The following ABCA1 variants were observed in gnomAD, a reference collection of about 807,000 sequenced individuals.
ABCA1 encodes the protein ATP binding cassette subfamily A member 1.
A neutral mutation model predicts 262.5 loss-of-function variants in ABCA1; 133 were observed. That is an observed-to-expected ratio of 0.51 (90% CI 0.44 to 0.59). The LOEUF (loss-of-function observed/expected upper bound fraction) is 0.59, where lower values mean the gene tolerates loss of function less well. Among genes scored for constraint, ABCA1 ranks in the 20% least tolerant of loss-of-function variants. ABCA1 has a pLI of 0.00. For synonymous variants in ABCA1, 1,022 were observed against 1,043.5 expected, an observed-to-expected ratio of 0.98 and a Z score of 0.40; for missense variants, 2,452 against 2,777.5, an observed-to-expected ratio of 0.88 and a Z score of 2.63.
chr9:104,907,470 G>GT (rs1841232064), intron 1 of ABCA1, among the ~76,000 whole-genome samples: 1 of 152,120 alleles, frequency 6.6e-6, no homozygotes, highest in South Asian at 2.1e-4. Flanking sequence ...CTGGCTTGTC[G>GT]TAAGCACTTG....
chr9:104,839,346 G>A (rs912341642), intron 9 of ABCA1, among the ~76,000 whole-genome samples: 1 of 152,220 alleles, frequency 6.6e-6, no homozygotes, highest in Non-Finnish European at 1.5e-5. Context: ...ATTTGGGCTT[G>A]AATCCTGGCT....
At chr9:104,873,410 C>T (rs1473624318) in intron 5 of ABCA1, among the ~76,000 whole-genome samples, 3 of 152,124 alleles carry the variant, frequency 2.0e-5, no homozygotes, top group Admixed American at 2.0e-4. Flanking sequence ...CTAGATGGGC[C>T]TTGGGAAACA....
At position 104,825,850 on chromosome 9, in the gene ABCA1, T is replaced by C. The variant is rs762990532; in HGVS notation, c.2375A>G (p.Glu792Gly). Residue 792 changes from glutamate (E) to glycine (G), a missense_variant, in exon 17 of 50, where the codon GAG becomes GGG. This residue lies in a region of ABCA1 where 1,032 missense variants were observed against 1,089.7 expected (regional missense o/e 0.95). Transcript: ENST00000374736. ...CTGCTCCTCAAAAAGGGCAAAGTAC[T>C]CACAGCCAAACCCAAAAGCCACAGG... is the stretch of plus-strand genomic sequence containing the variant. ...LSPVAFGFGC[E>G]YFALFEEQGI... The C allele has an allele frequency of 2.5e-6, 4 of 1,614,048 alleles. No homozygotes were observed. Among genetic ancestry groups the C allele is most frequent in the Non-Finnish European group, 3.4e-6 (4 of 1,180,044 alleles).
rs150856136 is a variant in ABCA1 at position 104,907,399 on chromosome 9, G to A, written c.-92-3628C>T. ...GGGAAAGAGGATTTCTACCTTCTGA[G>A]TCAGAGCAGAGACCATTTCTGTTTC... On this transcript the variant is annotated intron_variant, in intron 1 of 49. Transcript: ENST00000374736. Among the ~76,000 whole-genome samples, 410 of 152,292 alleles carry A rather than the reference G, an allele frequency of 2.7e-3. 3 individuals carry two copies. The highest frequency in any genetic ancestry group is 0.013 in the South Asian group (64 of 4,826).
intron 5 of ABCA1, among the ~76,000 whole-genome samples, chr9:104,881,217 A>G (rs1323472163): frequency 2.2e-4 from 33 of 152,176 alleles, no homozygotes. Context: ...CTAAGATCAG[A>G]AAGTCTGCTT....
intron 7 of ABCA1, among the ~76,000 whole-genome samples, chr9:104,855,403 G>A (rs1439506849): frequency 1.3e-5 from 2 of 152,106 alleles, no homozygotes; most frequent in East Asian, 1.9e-4. Context: ...ATTTCACCAC[G>A]TTGGCCAGGC....
At chr9:104,856,262 T>C (rs952320481) in intron 7 of ABCA1, among the ~76,000 whole-genome samples, 3 of 152,184 alleles carry the variant, frequency 2.0e-5, no homozygotes, top group African/African-American at 7.2e-5. Flanking sequence ...TCAGAAATCA[T>C]CTTTACACAA....
At chr9:104,840,576 C>A (rs1834280178) in intron 8 of ABCA1, 57 bp from the exon 9 acceptor site, 3 of 1,539,862 alleles carry the variant, frequency 1.9e-6, no homozygotes, top group Non-Finnish European at 2.7e-6. Flanking sequence ...AAGGGCAGTG[C>A]AAGGGTTGGG....
At chr9:104,832,940 A>C (rs1833475284) in intron 11 of ABCA1, among the ~76,000 whole-genome samples, 169 bp from the exon 12 acceptor site, 1 of 152,140 alleles carries the variant, frequency 6.6e-6, no homozygotes, top group Non-Finnish European at 1.5e-5. Flanking sequence ...AGGCTGAAGA[A>C]AAAAAAACAT....
chr9:104,886,539 T>G (rs1376829177), intron 3 of ABCA1, among the ~76,000 whole-genome samples: 1 of 152,240 alleles, frequency 6.6e-6, no homozygotes, highest in Non-Finnish European at 1.5e-5. Flanking sequence ...GGGAGATTTA[T>G]GTAACCCAAC....
chr9:104,861,800 T>C lies in ABCA1; in HGVS notation c.422A>G (p.Asn141Ser), dbSNP rs1178234418. Residue 141 changes from asparagine (N) to serine (S), a missense_variant and splice_region_variant, in exon 6 of 50, where the codon AAC (asparagine) becomes AGC (serine). By Grantham distance (46) the Asn-to-Ser change is conservative. This residue lies in a region of ABCA1 where 1,032 missense variants were observed against 1,089.7 expected (regional missense o/e 0.95). Coordinates refer to ENST00000374736, the MANE Select transcript of ABCA1 (RefSeq NM_005502.4). ...TLQQIKKSSS[N>S]LKLQDFLVDN... The stretch of plus-strand genomic sequence containing the variant: ...CACCAGGAAATCTTGAAGCTTCAAG[T>C]CTATTGAGAAATAGTGTTTTATTTT... 2 of 1,612,084 alleles carry C rather than the reference T, an allele frequency of 1.2e-6. No homozygotes were observed. The highest frequency in any genetic ancestry group is 1.7e-6 in the Non-Finnish European group (2 of 1,179,032).
At position 104,889,298 on chromosome 9, in the gene ABCA1, A is replaced by G; in HGVS notation, c.67-103T>C. 4.6e-6 allele frequency: 7 copies of G among 1,536,570 alleles called. No individual in the cohort carries two copies. The South Asian group carries it at 4.8e-5, about 11-fold the overall frequency. ...CACAGACAACTTCATTTACTAATTA[A>G]TCAACTTCTCCAGTCTCTCCCACCA... On this transcript the variant is annotated intron_variant, in intron 2 of 49. Coordinates refer to ENST00000374736, the MANE Select transcript of ABCA1 (RefSeq NM_005502.4).
intron 10 of ABCA1, 33 bp downstream of exon 10, chr9:104,837,395 T>C: frequency 1.2e-6 from 2 of 1,613,778 alleles, no homozygotes; most frequent in African/African-American, 1.3e-5. Flanking sequence ...GGGGAGATTC[T>C]GGGGAGGGAG....
Position 104,889,175 on chromosome 9 carries a change from C to T in ABCA1, c.87G>A (p.Val29=). The T allele has an allele frequency of 6.2e-7, 1 of 1,614,148 alleles. No homozygotes were observed. The highest frequency in any genetic ancestry group is 1.7e-4 in the Middle Eastern group (1 of 6,060). ...TCAGGAAGATAAATAGAGGCCAGGCCACTTCCAGCAGCAGCTGACACTGAG... is the reference window on the plus strand; with the variant it reads ...TCAGGAAGATAAATAGAGGCCAGGCTACTTCCAGCAGCAGCTGACACTGAG... ...RRQTCQLLLE[V]AWPLFIFLIL... is the part of the protein sequence containing the mutation. The change falls in exon 3 of 50, where the codon GTG becomes GTA. Residue 29 remains valine (V), a synonymous_variant. Coordinates refer to ENST00000374736, the MANE Select transcript of ABCA1 (RefSeq NM_005502.4).
At chr9:104,912,631 A>G (rs562794512) in intron 1 of ABCA1, among the ~76,000 whole-genome samples, 1 of 152,292 alleles carries the variant, frequency 6.6e-6, no homozygotes, top group African/African-American at 2.4e-5. Context: ...AGAAACTCTA[A>G]CAAAATGTTA....
rs1588564759 is a variant in ABCA1, at chr9:104,905,634, G to A, written c.-92-1863C>T. Among the ~76,000 whole-genome samples, 3 of 152,344 alleles carry A rather than the reference G, an allele frequency of 2.0e-5. No individual in the cohort carries two copies. The South Asian group carries it at 6.2e-4, about 32-fold the overall frequency. The stretch of plus-strand genomic sequence containing the variant: ...TTCAAAGATGACAACTGGCAGCACA[G>A]CACTGGCAACCAGAGCAGCATTGTG... On this transcript the variant is annotated intron_variant, in intron 1 of 49. Transcript: ENST00000374736.
intron 2 of ABCA1, among the ~76,000 whole-genome samples, chr9:104,901,080 G>A (rs779204190): frequency 6.6e-6 from 1 of 152,290 alleles, no homozygotes; most frequent in Non-Finnish European, 1.5e-5. Flanking sequence ...AGTGGAGTCT[G>A]GCCCAATTTG....
At chr9:104,884,626 T>A in intron 3 of ABCA1, 58 bp from the exon 4 acceptor site, 1 of 1,597,436 alleles carries the variant, frequency 6.3e-7, no homozygotes, top group African/African-American at 1.3e-5. Flanking sequence ...CTGAAGCGAT[T>A]TTGAGGCTCC....
intron 5 of ABCA1, among the ~76,000 whole-genome samples, chr9:104,865,461 A>G (rs1247379212): frequency 2.7e-5 from 4 of 149,602 alleles, no homozygotes. Flanking sequence ...GGTTGCACTG[A>G]GCAGAGATGG....
Sources: gnomAD v4.1 joint callset for allele counts (sites outside exome capture counted in the v4.1 genomes callset) on GRCh38, gnomAD v4.1.1 for gene constraint, gnomAD v4.1.1 regional missense constraint, MANE v1.5 for transcripts, NCBI Gene and HGNC (gene_info 2026-07-23, HGNC 2026-07-21) for gene names.